The following ANKRD30BL variants were observed in gnomAD, a reference collection of about 807,000 sequenced individuals.
ANKRD30BL encodes the protein putative ankyrin repeat domain-containing protein 30B-like.
Under a neutral mutation model 18.4 loss-of-function variants are expected in ANKRD30BL, and 20 were observed. The ratio of observed to expected loss-of-function variants is 1.09; its 90% CI spans 0.77 to 1.58. ANKRD30BL has a LOEUF of 1.58. Among genes scored for constraint, ANKRD30BL ranks in the 40% most tolerant of loss-of-function variants. The pLI is 0.00. For synonymous variants in ANKRD30BL, 72 were observed against 100.9 expected (o/e 0.71, Z 1.72); for missense variants, 224 against 268.6 (o/e 0.83, Z 1.16).
chr2:132,241,371 T>C (rs1680317179), intron 1 of ANKRD30BL, among the ~76,000 whole-genome samples: 1 of 151,760 alleles, frequency 6.6e-6, no homozygotes, highest in African/African-American at 2.4e-5. Context: ...AAAGAAGCAT[T>C]ATCAGAAACT....
At chr2:132,185,367 T>C (rs532543021) in intron 1 of ANKRD30BL, among the ~76,000 whole-genome samples, 2 of 152,314 alleles carry the variant, frequency 1.3e-5, no homozygotes, top group East Asian at 3.9e-4. Flanking sequence ...ACCTTATCTG[T>C]CTAAACAGTG....
chr2:132,214,957 T>A (rs1679455378), intron 1 of ANKRD30BL, among the ~76,000 whole-genome samples: 1 of 152,166 alleles, frequency 6.6e-6, no homozygotes, highest in African/African-American at 2.4e-5. Flanking sequence ...TTTTGTAGAA[T>A]CTGCAAGTGG....
chr2:132,172,572 A>G (rs932195830), intron 1 of ANKRD30BL, among the ~76,000 whole-genome samples: 1 of 152,102 alleles, frequency 6.6e-6, no homozygotes, highest in African/African-American at 2.4e-5. Context: ...AAATTGAACC[A>G]TTTATTATTG....
intron 1 of ANKRD30BL, among the ~76,000 whole-genome samples, chr2:132,207,981 C>CA (rs1679242309): frequency 6.6e-6 from 1 of 151,500 alleles, no homozygotes; most frequent in Non-Finnish European, 1.5e-5. Context: ...AATTGTTTCT[C>CA]AAAAAAGGAG....
intron 1 of ANKRD30BL, among the ~76,000 whole-genome samples, chr2:132,190,219 T>C (rs1312654211): frequency 6.6e-6 from 1 of 152,160 alleles, no homozygotes; most frequent in African/African-American, 2.4e-5. Flanking sequence ...TAAAACATTT[T>C]ACATAAGAAC....
chr2:132,215,310 A>T (rs1206853974), intron 1 of ANKRD30BL, among the ~76,000 whole-genome samples: 1 of 152,264 alleles, frequency 6.6e-6, no homozygotes, highest in African/African-American at 2.4e-5. Context: ...CTGTAAGGGG[A>T]CATGCGGAGC....
chr2:132,188,736 A>G (rs1002782603), intron 1 of ANKRD30BL, among the ~76,000 whole-genome samples: 4 of 151,226 alleles, frequency 2.6e-5, no homozygotes, highest in Non-Finnish European at 5.9e-5. Flanking sequence ...AACAACAACA[A>G]CAAATTAACA....
chr2:132,220,396 G>T (rs567361079), intron 1 of ANKRD30BL, among the ~76,000 whole-genome samples: 13 of 140,278 alleles, frequency 9.3e-5, no homozygotes, highest in Non-Finnish European at 1.4e-4. Context: ...TCCTTCCACG[G>T]TCTCCCTCTG....
At chr2:132,175,751 A>G (rs1283275689) in intron 1 of ANKRD30BL, among the ~76,000 whole-genome samples, 1 of 152,190 alleles carries the variant, frequency 6.6e-6, no homozygotes, top group Non-Finnish European at 1.5e-5. Flanking sequence ...GTTTATCGAG[A>G]CTAGAGAATG....
chr2:132,217,752 G>A (rs1401865655), intron 1 of ANKRD30BL, among the ~76,000 whole-genome samples: 6 of 152,286 alleles, frequency 3.9e-5, no homozygotes, highest in Non-Finnish European at 8.8e-5. Context: ...CCAGTTTGAG[G>A]TCTTCATTGG....
At chr2:132,210,614 C>A (rs1573845125) in intron 1 of ANKRD30BL, among the ~76,000 whole-genome samples, 1 of 150,626 alleles carries the variant, frequency 6.6e-6, no homozygotes. Context: ...AGAATTGAAA[C>A]TTTCTTTTGA....
rs539848322 is a variant in ANKRD30BL, at chr2:132,161,649, G to T, written c.57C>A (p.Ser19Arg). Reference sequence around the variant, plus strand: ...TGGTGTAGACCAGCTGACTGAAGGGGCTCGGGCGCTCTGGGCCCGTCTGGC... The same window carrying T: ...TGGTGTAGACCAGCTGACTGAAGGGTCTCGGGCGCTCTGGGCCCGTCTGGC... The part of the protein sequence containing the change: ...VKGQTGPERP[S>R]PFSQLVYTNN... Residue 19 changes from serine to arginine, a missense_variant, in exon 1 of 6, where the codon AGC (serine) becomes AGA (arginine). Around this residue, in one of 3 missense-constraint regions of ANKRD30BL, gnomAD observed 131 missense variants for 128.8 expected, o/e 1.02. Coordinates refer to ENST00000409867, the MANE Select transcript of ANKRD30BL (RefSeq NM_001358416.1). The T allele has an allele frequency of 1.4e-6, 2 of 1,452,540 alleles. No individual in the cohort carries two copies. Among genetic ancestry groups the T allele is most frequent in the Non-Finnish European group, 1.9e-6 (2 of 1,059,680 alleles). 90.0% of individuals were successfully genotyped at this position (1,452,540 alleles called of 1,614,324 possible).
At chr2:132,237,269 GAAT>G (rs893427309) in intron 1 of ANKRD30BL, among the ~76,000 whole-genome samples, 12 of 151,884 alleles carry the variant, frequency 7.9e-5, no homozygotes, top group South Asian at 2.1e-4. Context: ...AAAACTTAAA[GAAT>G]AATAATAATA....
At position 132,218,282 on chromosome 2, in the gene ANKRD30BL, G is replaced by T. The variant is rs1408223509; in HGVS notation, n.441+39247C>A. ...GCTTTGAGGCCTTCTTTGGAAATGG[G>T]AATATCTTCACATAAACACTAGACA... On this transcript the variant is annotated intron_variant and non_coding_transcript_variant, in intron 1 of 4. Coordinates refer to the ANKRD30BL transcript ENST00000470729. Among the ~76,000 whole-genome samples, 8 of 152,174 alleles carry T rather than the reference G, an allele frequency of 5.3e-5. No individual in the cohort carries two copies. The South Asian group carries it at 1.5e-3, about 28-fold the overall frequency.
At chr2:132,247,393 C>A (rs1369665810) in intron 1 of ANKRD30BL, among the ~76,000 whole-genome samples, 1 of 151,712 alleles carries the variant, frequency 6.6e-6, no homozygotes, top group East Asian at 1.9e-4. Context: ...TGGAGTTGAG[C>A]CTTTCCTTTG....
chr2:132,233,543 C>T (rs1680077551), intron 1 of ANKRD30BL, among the ~76,000 whole-genome samples: 1 of 147,996 alleles, frequency 6.8e-6, no homozygotes, highest in South Asian at 2.2e-4. Flanking sequence ...ATCCTAGTCT[C>T]TGATAAAACA....
intron 1 of ANKRD30BL, among the ~76,000 whole-genome samples, chr2:132,248,276 C>T (rs111533882): frequency 6.6e-6 from 1 of 152,008 alleles, no homozygotes; most frequent in Non-Finnish European, 1.5e-5. Context: ...GAAGATATTT[C>T]CTTTTTCACC....
intron 1 of ANKRD30BL, among the ~76,000 whole-genome samples, chr2:132,215,310 A>G (rs1206853974): frequency 6.6e-6 from 1 of 152,264 alleles, no homozygotes; most frequent in Admixed American, 6.5e-5. Context: ...CTGTAAGGGG[A>G]CATGCGGAGC....
chr2:132,218,024 T>C (rs560691496), intron 1 of ANKRD30BL, among the ~76,000 whole-genome samples: 8 of 151,794 alleles, frequency 5.3e-5, no homozygotes, highest in Non-Finnish European at 1.0e-4. Flanking sequence ...GTTGAAACTT[T>C]CTTTTGATAG....
Sources: allele counts gnomAD v4.1 joint callset (sites outside exome capture counted in the v4.1 genomes callset), GRCh38; gene constraint gnomAD v4.1.1; regional missense constraint gnomAD v4.1.1; transcripts MANE v1.5; gene names NCBI Gene and HGNC (gene_info 2026-07-23, HGNC 2026-07-21).